The following NGLY1 variants were observed in gnomAD, a reference collection of about 807,000 sequenced individuals.
The protein encoded by NGLY1 is N-glycanase 1.
Under a neutral mutation model 84.6 loss-of-function variants are expected in NGLY1, and 68 were observed. The ratio of observed to expected loss-of-function variants is 0.80; its 90% CI spans 0.66 to 0.98. The LOEUF (loss-of-function observed/expected upper bound fraction) is 0.98, where lower values mean the gene tolerates loss of function less well. Among genes scored for constraint, NGLY1 ranks in the 50% least tolerant of loss-of-function variants. NGLY1 has a pLI of 0.00. For missense variants in NGLY1, 779 were observed against 770.2 expected, an observed-to-expected ratio of 1.01 and a Z score of -0.14; for synonymous variants, 280 against 275.2, an observed-to-expected ratio of 1.02 and a Z score of -0.17.
Position 25,751,108 on chromosome 3 carries a change from T to C in NGLY1, c.648A>G (p.Lys216=), listed in dbSNP as rs563065066. The change falls in exon 4 of 12, where the codon AAA becomes AAG. Residue 216 remains lysine (K), a synonymous_variant. Transcript: ENST00000280700. ...KSQEKLSRAR[K]LDKGINISDE... ...ATGTAAAGCTACTACCTTTATCCAA[T>C]TTTCTAGCTCTCGATAACTTTTCTT... 5.0e-6 allele frequency: 8 copies of C among 1,611,190 alleles called. No individual in the cohort carries two copies. In the Admixed American group the frequency reaches 1.3e-4, roughly 27 times the overall value.
At chr3:25,774,913 C>T (rs995815623) in intron 2 of NGLY1, among the ~76,000 whole-genome samples, 1 of 152,180 alleles carries the variant, frequency 6.6e-6, no homozygotes, top group African/African-American at 2.4e-5. Context: ...TCCCCAAGGA[C>T]CCCTGTGAGA....
At chr3:25,776,104 C>G (rs1708142231) in intron 2 of NGLY1, among the ~76,000 whole-genome samples, 1 of 152,152 alleles carries the variant, frequency 6.6e-6, no homozygotes, top group Non-Finnish European at 1.5e-5. Context: ...ATATCAAAAC[C>G]TGTTAATCTT....
At chr3:25,749,242 G>A (rs1706599239) in intron 4 of NGLY1, among the ~76,000 whole-genome samples, 1 of 152,000 alleles carries the variant, frequency 6.6e-6, no homozygotes, top group Admixed American at 6.5e-5. Flanking sequence ...TTCACTTCTG[G>A]GTGTATACCA....
At chr3:25,726,594 C>T (rs923072878) in intron 10 of NGLY1, among the ~76,000 whole-genome samples, 1 of 152,072 alleles carries the variant, frequency 6.6e-6, no homozygotes, top group Non-Finnish European at 1.5e-5. Flanking sequence ...AATATATCTG[C>T]AATGCAGAGA....
At chr3:25,772,539 TTAAG>T (rs1267504752) in intron 2 of NGLY1, among the ~76,000 whole-genome samples, 1 of 152,198 alleles carries the variant, frequency 6.6e-6, no homozygotes, top group African/African-American at 2.4e-5. Context: ...TCTTTATGTA[TTAAG>T]TGAGTCTCTT....
intron 7 of NGLY1, 22 bp downstream of exon 7, chr3:25,735,982 G>T (rs1705795964): frequency 1.9e-6 from 3 of 1,563,504 alleles, no homozygotes; most frequent in Non-Finnish European, 1.7e-6. Context: ...TTGGAAAAAA[G>T]TTTTTTTCTT....
chr3:25,780,063 A>T (rs1302250491), intron 1 of NGLY1, among the ~76,000 whole-genome samples: 1 of 152,260 alleles, frequency 6.6e-6, no homozygotes. Flanking sequence ...GTATTTTACA[A>T]AAGTTATAGG....
At chr3:25,763,492 G>A (rs1294122209) in intron 3 of NGLY1, among the ~76,000 whole-genome samples, 2 of 152,174 alleles carry the variant, frequency 1.3e-5, no homozygotes, top group African/African-American at 4.8e-5. Context: ...TGATCTCAGG[G>A]AGGGGCATAA....
At chr3:25,732,580 G>C in intron 8 of NGLY1, 97 bp from the exon 9 acceptor site, 1 of 794,238 alleles carries the variant, frequency 1.3e-6, no homozygotes, top group Non-Finnish European at 1.9e-6. Flanking sequence ...CATTTTAAGA[G>C]GTCTTGAAAC....
chr3:25,759,700 T>C (rs1437550518), intron 3 of NGLY1, among the ~76,000 whole-genome samples: 1 of 152,200 alleles, frequency 6.6e-6, no homozygotes, highest in African/African-American at 2.4e-5. Context: ...GAGACTAAAG[T>C]TACTTAGAGT....
At position 25,737,377 on chromosome 3, in the gene NGLY1, G is replaced by A. The variant is rs781518537; in HGVS notation, c.960C>T (p.Cys320=). ...AGCGAGCTTCAAACCCTACAGCTCG[G>A]CAGCACAGTGTAAAACAATTGGCCC... The part of the protein sequence containing the change: ...GEWANCFTLC[C]RAVGFEARYV... The change falls in exon 6 of 12, where the codon TGC becomes TGT. Residue 320 remains cysteine, a synonymous_variant. Coordinates refer to ENST00000280700, the MANE Select transcript of NGLY1 (RefSeq NM_018297.4). 1.2e-6 allele frequency: 2 copies of A among 1,613,648 alleles called. No homozygotes were observed. The highest frequency in any genetic ancestry group is 2.7e-5 in the African/African-American group (2 of 74,828).
intron 10 of NGLY1, among the ~76,000 whole-genome samples, chr3:25,727,703 A>C (rs1705329599): frequency 6.6e-6 from 1 of 152,232 alleles, no homozygotes; most frequent in African/African-American, 2.4e-5. Context: ...GCACAACAGT[A>C]CAAGTTTGCT....
At chr3:25,739,206 G>A (rs1705998806) in intron 5 of NGLY1, among the ~76,000 whole-genome samples, 1 of 152,130 alleles carries the variant, frequency 6.6e-6, no homozygotes, top group African/African-American at 2.4e-5. Flanking sequence ...AAGATTTATA[G>A]CATTAAACAT....
intron 6 of NGLY1, 50 bp downstream of exon 6, chr3:25,737,284 C>T (rs768865557): frequency 7.4e-6 from 11 of 1,488,930 alleles, no homozygotes; most frequent in African/African-American, 1.4e-5. Flanking sequence ...AAACCCAAAC[C>T]TGCAAGCCTG....
chr3:25,738,668 G>C (rs921168243), intron 5 of NGLY1, among the ~76,000 whole-genome samples: 13 of 149,698 alleles, frequency 8.7e-5, no homozygotes, highest in South Asian at 4.3e-4. Context: ...TCACTCTGTC[G>C]CCCAGGCTGG....
intron 1 of NGLY1, among the ~76,000 whole-genome samples, chr3:25,779,678 A>G (rs1220009936): frequency 6.6e-6 from 1 of 152,234 alleles, no homozygotes; most frequent in Non-Finnish European, 1.5e-5. Flanking sequence ...CATGTTCTCT[A>G]GGTATTCTGA....
In NGLY1 at chr3:25,719,941, C is replaced by A; in HGVS notation, c.1789+73G>T. On this transcript the variant is annotated intron_variant, in intron 11 of 11. Transcript: ENST00000280700. The stretch of plus-strand genomic sequence containing the variant: ...TCTTAGGTACGAAAAAGAGCTACAT[C>A]TCAAATAAGTACAATTAGTCTTCAG... 3 of 1,328,658 alleles carry A rather than the reference C, an allele frequency of 2.3e-6. No homozygotes were observed. The South Asian group carries it at 4.7e-5, about 21-fold the overall frequency. The allele number at this position is 1,328,658 out of a possible 1,614,324, so 82.3% of individuals were successfully genotyped here.
At position 25,783,162 on chromosome 3, in the gene NGLY1, C is replaced by T; in HGVS notation, c.131+98G>A. 1 of 1,155,142 alleles carries T rather than the reference C, an allele frequency of 8.7e-7. No homozygotes were observed. The highest frequency in any genetic ancestry group is 1.3e-6 in the Non-Finnish European group (1 of 798,026). The allele number at this position is 1,155,142 out of a possible 1,614,324, so 71.6% of individuals were successfully genotyped here. A position where few individuals can be genotyped will look rare whatever the true frequency, so the allele number is the denominator to read the frequency against. On this transcript the variant is annotated intron_variant, in intron 1 of 11. Coordinates refer to ENST00000280700, the MANE Select transcript of NGLY1 (RefSeq NM_018297.4). The surrounding 1 kb of genome is among the most constrained non-coding windows in gnomAD (Gnocchi z 4.5). The stretch of plus-strand genomic sequence containing the variant: ...GTCCCGGTCTGTCCGGGCGTCGCTG[C>T]CCTCTGAAGCTCAGGCCGGACGCCC...
At chr3:25,741,957 C>T (rs1344274140) in intron 4 of NGLY1, among the ~76,000 whole-genome samples, 1 of 152,196 alleles carries the variant, frequency 6.6e-6, no homozygotes, top group South Asian at 2.1e-4. Flanking sequence ...GCCGAGATCG[C>T]GCCACTGCAC....
Sources: gnomAD v4.1 joint callset for allele counts (sites outside exome capture counted in the v4.1 genomes callset) on GRCh38, gnomAD v4.1.1 for gene constraint, Gnocchi (gnomAD v3.1) non-coding constraint, MANE v1.5 for transcripts, NCBI Gene and HGNC (gene_info 2026-07-23, HGNC 2026-07-21) for gene names.